SEMA3D: variants seen among roughly 807,000 people sequenced by gnomAD.
SEMA3D encodes the protein semaphorin 3D.
A neutral mutation model predicts 100.1 loss-of-function variants in SEMA3D; 84 were observed. The ratio of observed to expected loss-of-function variants is 0.84; its 90% confidence interval spans 0.70 to 1.01. The LOEUF is 1.01. Ranked by LOEUF, SEMA3D falls within the 50% of genes least tolerant of loss-of-function variation. The pLI is 0.00. For missense variants in SEMA3D, 875 were observed against 934.1 expected, an observed-to-expected ratio of 0.94 and a Z score of 0.82; for synonymous variants, 312 against 320.7, an observed-to-expected ratio of 0.97 and a Z score of 0.29.
chr7:84,996,580 T>C lies in SEMA3D; in HGVS notation c.*2860A>G, dbSNP rs1789507212. 2 of 152,418 alleles carry C rather than the reference T, an allele frequency of 1.3e-5. No homozygotes were observed. Among genetic ancestry groups the C allele is most frequent in the South Asian group, 4.1e-4 (2 of 4,836 alleles). 9.4% of individuals were successfully genotyped at this position (152,418 alleles called of 1,614,324 possible). A position where few individuals can be genotyped will look rare whatever the true frequency, so the allele number is the denominator to read the frequency against. ...CTACATAAATTAATTAGACAATTCATTTCTAAATAAAATCTCAAAATTTAC... is the reference window on the plus strand; with the variant it reads ...CTACATAAATTAATTAGACAATTCACTTCTAAATAAAATCTCAAAATTTAC... On this transcript the variant is annotated 3_prime_UTR_variant, in exon 19 of 19. Transcript: ENST00000284136.
chr7:85,241,305 AT>A, the SEMA3D span, among the ~76,000 whole-genome samples: 1 of 151,554 alleles, frequency 6.6e-6, no homozygotes, highest in Non-Finnish European at 1.5e-5. Context: ...CCAGCATACC[AT>A]TTGATCCAGA....
At chr7:85,226,946 T>C in the SEMA3D span, among the ~76,000 whole-genome samples, 1 of 152,136 alleles carries the variant, frequency 6.6e-6, no homozygotes, top group African/African-American at 2.4e-5. Flanking sequence ...AGCCCTGTGG[T>C]TTCTTTTAAA....
intron 5 of SEMA3D, among the ~76,000 whole-genome samples, chr7:85,073,873 C>G (rs1791846018): frequency 6.6e-6 from 1 of 152,056 alleles, no homozygotes; most frequent in Non-Finnish European, 1.5e-5. Context: ...ATTTTTGTTT[C>G]TTTCTGTTCT....
At chr7:85,218,828 T>A in the SEMA3D span, among the ~76,000 whole-genome samples, 1 of 152,100 alleles carries the variant, frequency 6.6e-6, no homozygotes, top group Non-Finnish European at 1.5e-5. Context: ...CTTTTAACAC[T>A]CAGCAGGCTT....
intron 15 of SEMA3D, among the ~76,000 whole-genome samples, chr7:85,017,335 C>G (rs192466218): frequency 6.6e-6 from 1 of 151,710 alleles, no homozygotes; most frequent in Non-Finnish European, 1.5e-5. Flanking sequence ...CTTCCTTTGA[C>G]ACTCAGCTAT....
chr7:85,128,541 T>C (rs1789630564), intron 2 of SEMA3D, among the ~76,000 whole-genome samples: 2 of 152,224 alleles, frequency 1.3e-5, no homozygotes, highest in South Asian at 4.1e-4. Context: ...GAAATGTCAT[T>C]TTTATCAAAA....
intron 4 of SEMA3D, among the ~76,000 whole-genome samples, chr7:85,086,544 G>A (rs974025091): frequency 6.6e-6 from 1 of 151,324 alleles, no homozygotes; most frequent in African/African-American, 2.4e-5. Context: ...TTTATATAAT[G>A]CGATATATAA....
chr7:85,039,120 A>C (rs1790782561), intron 11 of SEMA3D, among the ~76,000 whole-genome samples: 1 of 152,182 alleles, frequency 6.6e-6, no homozygotes, highest in Non-Finnish European at 1.5e-5. Flanking sequence ...AAATGTGAAA[A>C]CTATTTCCAA....
At chr7:85,235,416 C>T in the SEMA3D span, among the ~76,000 whole-genome samples, 4 of 152,058 alleles carry the variant, frequency 2.6e-5, no homozygotes, top group Non-Finnish European at 5.9e-5. Context: ...ATCTAGAACA[C>T]TGATTAGTGG....
intron 2 of SEMA3D, 35 bp from the exon 3 acceptor site, chr7:85,121,966 T>C (rs1789431080): frequency 1.8e-6 from 2 of 1,100,784 alleles, no homozygotes; most frequent in African/African-American, 3.3e-5. Flanking sequence ...ACTATTAAGG[T>C]ATCAGCAAAC....
chr7:85,119,749 T>G (rs1789353982), intron 3 of SEMA3D, among the ~76,000 whole-genome samples: 1 of 152,102 alleles, frequency 6.6e-6, no homozygotes, highest in Non-Finnish European at 1.5e-5. Flanking sequence ...CATGCACCCT[T>G]GAACTTAAAA....
At chr7:85,238,503 G>A in the SEMA3D span, among the ~76,000 whole-genome samples, 1 of 152,084 alleles carries the variant, frequency 6.6e-6, no homozygotes, top group East Asian at 1.9e-4. Flanking sequence ...AAAAATCAAT[G>A]GGCTACAATT....
chr7:85,074,251 G>T (rs1381240668), intron 5 of SEMA3D, among the ~76,000 whole-genome samples: 1 of 152,108 alleles, frequency 6.6e-6, no homozygotes, highest in Non-Finnish European at 1.5e-5. Context: ...GTTTCTTTCT[G>T]CCCAAGTGGC....
At chr7:85,244,708 CT>C in the SEMA3D span, among the ~76,000 whole-genome samples, 2,120 of 121,884 alleles carry the variant, frequency 0.017, 26 homozygotes, top group African/African-American at 0.048. Flanking sequence ...ACTGCACAAT[CT>C]TTTTTTTTTT....
chr7:85,164,465 G>A (rs1222401856), intron 1 of SEMA3D, among the ~76,000 whole-genome samples: 1 of 152,006 alleles, frequency 6.6e-6, no homozygotes, highest in African/African-American at 2.4e-5. Flanking sequence ...TTTTTGGAAA[G>A]GAAAATTAGA....
intron 4 of SEMA3D, among the ~76,000 whole-genome samples, chr7:85,095,306 T>C (rs573135304): frequency 1.2e-4 from 18 of 152,164 alleles, no homozygotes; most frequent in Non-Finnish European, 2.4e-4. Flanking sequence ...ATGGCCTTTT[T>C]TTCAGTAGGC....
chr7:85,122,476 T>C (rs898026761), intron 2 of SEMA3D, among the ~76,000 whole-genome samples: 3 of 152,300 alleles, frequency 2.0e-5, no homozygotes, highest in Non-Finnish European at 4.4e-5. Context: ...TAAAGTTGTT[T>C]TTGTGTTTTG....
chr7:85,064,112 T>C lies in SEMA3D; in HGVS notation c.718+1312A>G, dbSNP rs1251346362. ...ATTGACAATGCTGCTGACTTATTAA[T>C]GAATATGTTACAGTAATGGAAAAAA... On this transcript the variant is annotated intron_variant, in intron 8 of 18. Transcript: ENST00000284136. 3.9e-5 allele frequency among the ~76,000 whole-genome samples: 6 copies of C among 152,188 alleles called. No individual in the cohort carries two copies. In the South Asian group the frequency reaches 6.2e-4, roughly 16 times the overall value.
chr7:85,127,522 G>T (rs1477927026), intron 2 of SEMA3D, among the ~76,000 whole-genome samples: 2 of 151,990 alleles, frequency 1.3e-5, no homozygotes, highest in African/African-American at 4.8e-5. Flanking sequence ...AGCCTTGTGG[G>T]TTTCATTTTT....
Sources: gnomAD v4.1 joint callset for allele counts (sites outside exome capture counted in the v4.1 genomes callset) on GRCh38, gnomAD v4.1.1 for gene constraint, MANE v1.5 for transcripts, NCBI Gene and HGNC (gene_info 2026-07-23, HGNC 2026-07-21) for gene names.